The following IRF7 variants were observed in gnomAD, a reference collection of about 807,000 sequenced individuals.
The protein encoded by IRF7 is interferon regulatory factor 7.
A neutral mutation model predicts 51.3 loss-of-function variants in IRF7; 67 were observed. The ratio of observed to expected loss-of-function variants is 1.31; its 90% confidence interval spans 1.07 to 1.60. IRF7 has a LOEUF of 1.60. IRF7 is among the 40% of genes most tolerant of loss of function. The pLI is 0.00. For missense variants in IRF7, 873 were observed against 701.5 expected, an observed-to-expected ratio of 1.24 and a Z score of -2.76; for synonymous variants, 427 against 301.3, an observed-to-expected ratio of 1.42 and a Z score of -4.32.
chr11:614,161 G>A lies in IRF7; in HGVS notation c.679+13C>T. 1.9e-6 allele frequency: 3 copies of A among 1,609,496 alleles called. No individual in the cohort carries two copies. The highest frequency in any genetic ancestry group is 2.5e-6 in the Non-Finnish European group (3 of 1,178,094). On this transcript the variant is annotated intron_variant, in intron 6 of 10. Coordinates refer to ENST00000525445, the MANE Select transcript of IRF7 (RefSeq NM_001572.5). ...CCCTCCCGCGCTCCCCCCCTCCCCG[G>A]GCACGCCCACACCTCCAGCACAGGC...
In IRF7 at chr11:612,993, T is replaced by G; in HGVS notation, c.1356+6A>C. ...TGGCCTCCCCTCCTTGAGGCTCTGG[T>G]CTCACCTTCACCAGGACCAGGCTCT... On this transcript the variant is annotated splice_donor_region_variant and intron_variant, in intron 10 of 10. Coordinates refer to ENST00000525445, the MANE Select transcript of IRF7 (RefSeq NM_001572.5). 6.2e-7 allele frequency: 1 copy of G among 1,612,450 alleles called. No homozygotes were observed. The highest frequency in any genetic ancestry group is 8.5e-7 in the Non-Finnish European group (1 of 1,179,386).
At position 613,022 on chromosome 11, in the gene IRF7, C is replaced by T. The variant is rs764133862; in HGVS notation, c.1333G>A (p.Glu445Lys). 1.9e-6 allele frequency: 3 copies of T among 1,613,154 alleles called. No homozygotes were observed. Among genetic ancestry groups the T allele is most frequent in the South Asian group, 1.1e-5 (1 of 91,084 alleles). The stretch of plus-strand genomic sequence containing the variant: ...ACCTTCACCAGGACCAGGCTCTTCT[C>T]CTTGGGCCTCCCAGCTGACAGGTCC... ...GQDLSAGRPK[E>K]KSLVLVKLEP... The change falls in exon 10 of 11, where the codon GAG becomes AAG. Residue 445 changes from glutamate to lysine, a missense_variant. Physicochemically the swap from Glu to Lys is moderately conservative, Grantham distance 56 (BLOSUM62 1). Coordinates refer to ENST00000525445, the MANE Select transcript of IRF7 (RefSeq NM_001572.5).
At chr11:613,165 G>A in intron 9 of IRF7, 41 bp downstream of exon 9, 2 of 1,602,584 alleles carry the variant, frequency 1.2e-6, no homozygotes, top group Non-Finnish European at 1.7e-6. Flanking sequence ...GTGCTCCCAA[G>A]GACCCCTGGA....
Position 615,747 on chromosome 11 carries a change from C to T in IRF7, c.-283-100G>A, listed in dbSNP as rs560525028. 32 of 267,148 alleles carry T rather than the reference C, an allele frequency of 1.2e-4. 2 individuals are homozygous for T. In the South Asian group the frequency reaches 3.6e-3, roughly 30 times the overall value. The allele number at this position is 267,148 out of a possible 1,614,324, so 16.5% of individuals were successfully genotyped here. On this transcript the variant is annotated intron_variant, in intron 1 of 10. Coordinates refer to ENST00000525445, the MANE Select transcript of IRF7 (RefSeq NM_001572.5). ...GCACCCTCCTCGATCCCACCCCGTC[C>T]GGTTCTCAGCTCCGCGGAACCCCGC...
chr11:614,759 G>A (rs746769442), intron 4 of IRF7, 38 bp downstream of exon 4: 14 of 1,516,730 alleles, frequency 9.2e-6, no homozygotes, highest in Non-Finnish European at 1.2e-5. Flanking sequence ...GCCCAAGCAG[G>A]ACGAATGCCA....
chr11:614,926 C>T lies in IRF7; in HGVS notation c.265G>A (p.Ala89Thr), dbSNP rs1327288971. ...CAGCGGAAGTTGGTTTTCCAGCCGG[C>T]GCGCTCCGCAGTCTCAGCCTCGGGG... The part of the protein sequence containing the change: ...PPPEAETAER[A>T]GWKTNFRCAL... The change falls in exon 4 of 11, where the codon GCC (alanine) becomes ACC (threonine). Residue 89 changes from alanine (A) to threonine (T), a missense_variant. Coordinates refer to ENST00000525445, the MANE Select transcript of IRF7 (RefSeq NM_001572.5). The T allele has an allele frequency of 1.9e-6, 3 of 1,582,950 alleles. No homozygotes were observed. Among genetic ancestry groups the T allele is most frequent in the South Asian group, 1.1e-5 (1 of 87,668 alleles).
At position 613,297 on chromosome 11, in the gene IRF7, T is replaced by G. The variant is rs1061505; in HGVS notation, c.1146A>C (p.Gly382=). Residue 382 remains glycine (G), a synonymous_variant, in exon 9 of 11, where the codon GGA becomes GGC. Transcript: ENST00000525445. ...TGGAGGGGCTGGCGGAGCCTGGGGG[T>G]CCGCCCACCTCCCAGTACACCTTGC... ...GKCKVYWEVG[G]PPGSASPSTP... 435,643 of 1,607,992 alleles carry G rather than the reference T, an allele frequency of 0.27. 64,358 individuals are homozygous for G. The highest frequency in any genetic ancestry group is 0.52 in the African/African-American group (38,903 of 74,778).
In IRF7 at chr11:613,481, A is replaced by G. The variant is rs1589918480; in HGVS notation, c.962T>C (p.Val321Ala). The G allele has an allele frequency of 6.5e-7, 1 of 1,542,616 alleles. No homozygotes were observed. Residue 321 changes from valine (V) to alanine (A), a missense_variant, in exon 9 of 11, where the codon GTC (valine) becomes GCC (alanine). By Grantham distance (64) the Val-to-Ala change is moderately conservative. Coordinates refer to ENST00000525445, the MANE Select transcript of IRF7 (RefSeq NM_001572.5). ...TACCTGCTGGGGGTCTGTGGCCCGG[A>G]CAGCTGGGTCTGGGGGGCCGTATAG... ...TFLYGPPDPAVRATDPQQVAF... is the reference protein window; with the variant it reads ...TFLYGPPDPAARATDPQQVAF...
In IRF7 at chr11:613,053, G is replaced by A. The variant is rs762797158; in HGVS notation, c.1302C>T (p.Phe434=). 42 of 1,612,990 alleles carry A rather than the reference G, an allele frequency of 2.6e-5. No homozygotes were observed. The highest frequency in any genetic ancestry group is 8.8e-5 in the South Asian group (8 of 91,096). The change falls in exon 10 of 11, where the codon TTC becomes TTT. Residue 434 remains phenylalanine, a synonymous_variant. Transcript: ENST00000525445. The part of the protein sequence containing the change: ...GSPRYTIYLG[F]GQDLSAGRPK... ...GCCTCCCAGCTGACAGGTCCTGCCC[G>A]AAGCCCAGGTAGATGGTATAGCGTG... is the stretch of plus-strand genomic sequence containing the variant.
Position 615,130 on chromosome 11 carries a change from C to G in IRF7, c.150G>C (p.Lys50Asn). ...FRVPWKHFAR[K>N]DLSEADARIF... is the part of the protein sequence containing the mutation. Reference sequence around the variant, plus strand: ...TGCGCGCGTCGGCCTCGCTCAGGTCCTTGCGCGCGAAGTGCTTCCAGGGCA... The same window carrying G: ...TGCGCGCGTCGGCCTCGCTCAGGTCGTTGCGCGCGAAGTGCTTCCAGGGCA... The change falls in exon 3 of 11, where the codon AAG becomes AAC. Residue 50 changes from lysine to asparagine, a missense_variant. Lys to Asn is a moderately conservative substitution (Grantham distance 94). Transcript: ENST00000525445. The G allele has an allele frequency of 1.2e-6, 2 of 1,601,318 alleles. No homozygotes were observed. Among genetic ancestry groups the G allele is most frequent in the Non-Finnish European group, 1.7e-6 (2 of 1,178,608 alleles).
rs1262321958 is a variant in IRF7 at position 613,601 on chromosome 11, T to G, written c.848-6A>C. 1.3e-6 allele frequency: 2 copies of G among 1,510,894 alleles called. No homozygotes were observed. Among genetic ancestry groups the G allele is most frequent in the Non-Finnish European group, 1.8e-6 (2 of 1,133,776 alleles). The allele number at this position is 1,510,894 out of a possible 1,614,324, so 93.6% of individuals were successfully genotyped here. On this transcript the variant is annotated splice_region_variant and splice_polypyrimidine_tract_variant and intron_variant, in intron 8 of 10. Transcript: ENST00000525445. ...CAGCGCCCCTGGGCTGGGCTCTGTGTGGAGACCAAGCTGTGAGTGACGGGG... is the reference window on the plus strand; with the variant it reads ...CAGCGCCCCTGGGCTGGGCTCTGTGGGGAGACCAAGCTGTGAGTGACGGGG...
Position 612,659 on chromosome 11 carries a change from C to G in IRF7, c.1498G>C (p.Glu500Gln). 1 of 1,613,012 alleles carries G rather than the reference C, an allele frequency of 6.2e-7. No homozygotes were observed. ...TAGACTGGGTTCTAGGCGGGCTGCT[C>G]CAGCTCCATAAGGAAGCACTCGATG... is the stretch of plus-strand genomic sequence containing the variant. Reference protein sequence around the residue: ...DDIECFLMELEQPA With the variant: ...DDIECFLMELQQPA The change falls in exon 11 of 11, where the codon GAG (glutamate) becomes CAG (glutamine). Residue 500 changes from glutamate to glutamine, a missense_variant. Coordinates refer to ENST00000525445, the MANE Select transcript of IRF7 (RefSeq NM_001572.5).
In IRF7 at chr11:615,776, C is replaced by CGCCTCG. The variant is rs1856817694; in HGVS notation, c.-283-130_-283-129insCGAGGC. ...TCTCAGCTCCGCGGAACCCCGCCTC[C>CGCCTCG]GCCTCCGCCTCCCTCCCCGCCCGAC... is the stretch of plus-strand genomic sequence containing the variant. On this transcript the variant is annotated intron_variant, in intron 1 of 10. Coordinates refer to ENST00000525445, the MANE Select transcript of IRF7 (RefSeq NM_001572.5). 3 of 215,422 alleles carry CGCCTCG rather than the reference C, an allele frequency of 1.4e-5. No homozygotes were observed. In the South Asian group the frequency reaches 4.9e-4, roughly 35 times the overall value. The allele number at this position is 215,422 out of a possible 1,614,324, so 13.3% of individuals were successfully genotyped here. A position where few individuals can be genotyped will look rare whatever the true frequency, so the allele number is the denominator to read the frequency against.
At chr11:615,760 C>T in intron 1 of IRF7, 113 bp from the exon 2 acceptor site, 1 of 229,390 alleles carries the variant, frequency 4.4e-6, no homozygotes, top group Non-Finnish European at 8.3e-6. Context: ...TTCTCAGCTC[C>T]GCGGAACCCC....
In IRF7 at chr11:615,142, G is replaced by C. The variant is rs959601641; in HGVS notation, c.138C>G (p.His46Gln). 6.2e-7 allele frequency: 1 copy of C among 1,603,272 alleles called. No individual in the cohort carries two copies. The highest frequency in any genetic ancestry group is 1.3e-5 in the African/African-American group (1 of 74,906). The change falls in exon 3 of 11, where the codon CAC (histidine) becomes CAG (glutamine). Residue 46 changes from histidine (H) to glutamine (Q), a missense_variant. Coordinates refer to ENST00000525445, the MANE Select transcript of IRF7 (RefSeq NM_001572.5). ...ARTCFRVPWK[H>Q]FARKDLSEAD... is the part of the protein sequence containing the mutation. ...CCTCGCTCAGGTCCTTGCGCGCGAA[G>C]TGCTTCCAGGGCACGCGGAAACAGG...
At chr11:613,687 G>A in intron 8 of IRF7, 92 bp from the exon 9 acceptor site, 2 of 794,006 alleles carry the variant, frequency 2.5e-6, no homozygotes, top group Non-Finnish European at 3.4e-6. Flanking sequence ...AGTGACGGGG[G>A]TGGGCGGGGA....
At position 613,377 on chromosome 11, in the gene IRF7, C is replaced by T. The variant is rs557998853; in HGVS notation, c.1066G>A (p.Gly356Arg). 1.2e-6 allele frequency: 2 copies of T among 1,605,068 alleles called. No homozygotes were observed. Among genetic ancestry groups the T allele is most frequent in the Non-Finnish European group, 1.7e-6 (2 of 1,177,120 alleles). Residue 356 changes from glycine (G) to arginine (R), a missense_variant, in exon 9 of 11, where the codon GGG (glycine) becomes AGG (arginine). Physicochemically the swap from Gly to Arg is moderately radical, Grantham distance 125. Transcript: ENST00000525445. ...TEELLRHVAP[G>R]LHLELRGPQL... is the part of the protein sequence containing the mutation. The stretch of plus-strand genomic sequence containing the variant: ...GGCCCCCGAAGCTCCAGGTGCAACC[C>T]AGGGGCCACGTGCCGCAGCAGTTCC...
At position 613,844 on chromosome 11, in the gene IRF7, G is replaced by A. The variant is rs1224263825; in HGVS notation, c.788C>T (p.Ser263Phe). Residue 263 changes from serine (S) to phenylalanine (F), a missense_variant, in exon 8 of 11, where the codon TCC (serine) becomes TTC (phenylalanine). By Grantham distance (155) the Ser-to-Phe change is radical. Transcript: ENST00000525445. The stretch of plus-strand genomic sequence containing the variant: ...CAGGTACGGCTCTGCCTGGTGCGGG[G>A]ACTCTGGGGCCGCGGCCTCGCCTGC... Reference protein sequence around the residue: ...LTTGEAAAPESPHQAEPYLSP... With the variant: ...LTTGEAAAPEFPHQAEPYLSP... 1.0e-5 allele frequency: 16 copies of A among 1,598,888 alleles called. No individual in the cohort carries two copies. The highest frequency in any genetic ancestry group is 1.4e-5 in the Non-Finnish European group (16 of 1,174,574).
intron 6 of IRF7, 33 bp downstream of exon 6, chr11:614,141 C>T (rs1446266250): frequency 6.3e-7 from 1 of 1,598,938 alleles, no homozygotes; most frequent in Non-Finnish European, 8.5e-7. Context: ...CTGGCCCCTC[C>T]CGCGCTCCCC....
Sources: gnomAD v4.1 joint callset for allele counts on GRCh38, gnomAD v4.1.1 for gene constraint, MANE v1.5 for transcripts, NCBI Gene and HGNC (gene_info 2026-07-23, HGNC 2026-07-21) for gene names.